The following TTC29 variants were observed in gnomAD, a reference collection of about 807,000 sequenced individuals.
TTC29 encodes tetratricopeptide repeat protein 29.
TTC29 carries 49 observed loss-of-function variants against 58.1 expected under a neutral mutation model. That is an observed-to-expected ratio of 0.84 (90% confidence interval 0.67 to 1.07). TTC29 has a LOEUF of 1.07. Among genes scored for constraint, TTC29 ranks in the 50% least tolerant of loss-of-function variants. The pLI, the probability that TTC29 is intolerant of heterozygous loss-of-function variation, is 0.00. For synonymous variants in TTC29, 209 were observed against 196.8 expected, an observed-to-expected ratio of 1.06 and a Z score of -0.52; for missense variants, 582 against 555.6, an observed-to-expected ratio of 1.05 and a Z score of -0.48.
chr4:146,745,146 GA>G (rs1447140648), intron 11 of TTC29, among the ~76,000 whole-genome samples: 1 of 152,234 alleles, frequency 6.6e-6, no homozygotes, highest in African/African-American at 2.4e-5. Context: ...GTCTAAGAAA[GA>G]CAGTGGCAGA....
chr4:146,873,536 T>C (rs568709995), intron 7 of TTC29, among the ~76,000 whole-genome samples: 9 of 152,268 alleles, frequency 5.9e-5, no homozygotes, highest in African/African-American at 2.2e-4. Context: ...ACTTAGCAAA[T>C]GTAAACCTAA....
intron 9 of TTC29, among the ~76,000 whole-genome samples, chr4:146,830,496 T>C (rs1306456727): frequency 1.3e-5 from 2 of 152,228 alleles, no homozygotes; most frequent in East Asian, 3.8e-4. Context: ...ACACTTATCC[T>C]AGACATGGCT....
intron 4 of TTC29, among the ~76,000 whole-genome samples, chr4:146,924,903 C>G (rs772128637): frequency 1.3e-5 from 2 of 151,844 alleles, no homozygotes; most frequent in Non-Finnish European, 2.9e-5. Flanking sequence ...TTTTGACATG[C>G]TGTGTTTTCT....
At chr4:146,852,860 C>G (rs181287459) in intron 8 of TTC29, among the ~76,000 whole-genome samples, 7 of 152,200 alleles carry the variant, frequency 4.6e-5, no homozygotes, top group Admixed American at 4.6e-4. Context: ...GGAATCTATA[C>G]GGCTGTATTT....
chr4:146,821,005 C>T (rs1751779088), intron 9 of TTC29, among the ~76,000 whole-genome samples: 1 of 149,260 alleles, frequency 6.7e-6, no homozygotes, highest in South Asian at 2.1e-4. Flanking sequence ...GGCAACAGAG[C>T]AAGACTCCTG....
At chr4:146,802,888 AC>A (rs2150118312) in intron 11 of TTC29, among the ~76,000 whole-genome samples, 2 of 152,170 alleles carry the variant, frequency 1.3e-5, no homozygotes, top group East Asian at 3.9e-4. Context: ...CATAATACTG[AC>A]CCCTGCATCC....
chr4:146,713,083 A>G (rs1561051513), intron 11 of TTC29, among the ~76,000 whole-genome samples: 1 of 148,246 alleles, frequency 6.7e-6, no homozygotes, highest in Non-Finnish European at 1.5e-5. Context: ...CTCCTGGGAC[A>G]CAGAGCAGAG....
chr4:146,757,112 T>C (rs1392521836), intron 11 of TTC29, among the ~76,000 whole-genome samples: 2 of 152,088 alleles, frequency 1.3e-5, no homozygotes, highest in African/African-American at 4.8e-5. Flanking sequence ...AGCCTTGTTT[T>C]GTCATATTAT....
At chr4:146,810,765 T>C (rs1474116508) in intron 10 of TTC29, among the ~76,000 whole-genome samples, 2 of 151,884 alleles carry the variant, frequency 1.3e-5, no homozygotes, top group Non-Finnish European at 2.9e-5. Flanking sequence ...TAATTTTTTA[T>C]ATGTTTGGTA....
intron 11 of TTC29, among the ~76,000 whole-genome samples, chr4:146,781,075 T>C (rs1308372681): frequency 2.0e-5 from 3 of 152,026 alleles, no homozygotes; most frequent in Non-Finnish European, 2.9e-5. Context: ...CAAATCATTG[T>C]AATGGAAAAG....
chr4:146,887,019 T>C (rs1452029218), intron 6 of TTC29, among the ~76,000 whole-genome samples: 1 of 152,136 alleles, frequency 6.6e-6, no homozygotes, highest in Non-Finnish European at 1.5e-5. Context: ...GTCAAACTCA[T>C]AGAAGCAATG....
intron 7 of TTC29, among the ~76,000 whole-genome samples, chr4:146,869,181 A>G (rs1730770576): frequency 6.6e-6 from 1 of 152,090 alleles, no homozygotes; most frequent in South Asian, 2.1e-4. Context: ...AAAATAGACT[A>G]ATACAGGAAG....
intron 11 of TTC29, among the ~76,000 whole-genome samples, chr4:146,785,732 C>A (rs1280184272): frequency 6.6e-6 from 1 of 152,102 alleles, no homozygotes; most frequent in African/African-American, 2.4e-5. Context: ...CTTGAGCTGT[C>A]TGGTTTCAAA....
At chr4:146,787,152 A>G (rs540855459) in intron 11 of TTC29, among the ~76,000 whole-genome samples, 3 of 152,338 alleles carry the variant, frequency 2.0e-5, no homozygotes, top group African/African-American at 7.2e-5. Flanking sequence ...TTTGAGAGCT[A>G]AAGAACTACC....
At chr4:146,734,017 G>T (rs1213799829) in intron 11 of TTC29, among the ~76,000 whole-genome samples, 1 of 152,136 alleles carries the variant, frequency 6.6e-6, no homozygotes, top group East Asian at 1.9e-4. Context: ...GGAAACATTG[G>T]ATAACTAAAG....
rs933504539 is a variant in TTC29, at chr4:146,937,670, A to G, written c.100T>C (p.Leu34=). 2.0e-6 allele frequency: 3 copies of G among 1,492,182 alleles called. No homozygotes were observed. Among genetic ancestry groups the G allele is most frequent in the South Asian group, 1.3e-5 (1 of 78,598 alleles). The allele number at this position is 1,492,182 out of a possible 1,614,324, so 92.4% of individuals were successfully genotyped here. Reference sequence around the variant, plus strand: ...TCTATGTCATCTTTTTCTTTGATCAATTGAGACCTAAATGAAATAGAAAGA... The same window carrying G: ...TCTATGTCATCTTTTTCTTTGATCAGTTGAGACCTAAATGAAATAGAAAGA... ...CSSRKIPRSQ[L]IKEKDDIDHY... Residue 34 remains leucine, a synonymous_variant, in exon 4 of 13, where the codon TTG becomes CTG. Coordinates refer to ENST00000325106, the MANE Select transcript of TTC29 (RefSeq NM_031956.4).
At chr4:146,879,048 A>G (rs1263472406) in intron 6 of TTC29, among the ~76,000 whole-genome samples, 1 of 152,146 alleles carries the variant, frequency 6.6e-6, no homozygotes, top group Non-Finnish European at 1.5e-5. Flanking sequence ...ACTACACAGA[A>G]GCAGTTTTCC....
intron 2 of TTC29, chr4:146,942,585 T>A: frequency 6.5e-7 from 1 of 1,532,328 alleles, no homozygotes; most frequent in Non-Finnish European, 8.7e-7. Context: ...AGAGCTTACT[T>A]CAGAGGAGCT....
chr4:146,810,311 G>C (rs563870766), intron 10 of TTC29, among the ~76,000 whole-genome samples: 4 of 152,022 alleles, frequency 2.6e-5, no homozygotes, highest in Non-Finnish European at 5.9e-5. Flanking sequence ...ATAGATGACA[G>C]GTTGATGGGT....
Sources: gnomAD v4.1 joint callset for allele counts (sites outside exome capture counted in the v4.1 genomes callset) on GRCh38, gnomAD v4.1.1 for gene constraint, MANE v1.5 for transcripts, NCBI Gene and HGNC (gene_info 2026-07-23, HGNC 2026-07-21) for gene names.